GPHN: variants seen among roughly 807,000 people sequenced by gnomAD.
GPHN encodes the protein gephyrin.
Under a neutral mutation model 95.5 loss-of-function variants are expected in GPHN, and 17 were observed. The observed-to-expected ratio is 0.18, with a 90% CI of 0.12 to 0.27. The LOEUF is 0.27. Among genes scored for constraint, GPHN ranks in the 10% least tolerant of loss-of-function variants. The pLI, the probability that GPHN is intolerant of heterozygous loss-of-function variation, is 1.00. For missense variants in GPHN, 660 were observed against 978.1 expected (o/e 0.67, Z 4.34); for synonymous variants, 320 against 322.5 (o/e 0.99, Z 0.08).
the GPHN span, among the ~76,000 whole-genome samples, chr14:67,696,246 A>T: frequency 6.6e-6 from 1 of 152,164 alleles, no homozygotes; most frequent in Non-Finnish European, 1.5e-5. Context: ...CTATCTCCCC[A>T]GACCCAAGTC....
chr14:66,970,085 GTT>G (rs76967963), intron 9 of GPHN, among the ~76,000 whole-genome samples: 34 of 98,960 alleles, frequency 3.4e-4, no homozygotes, highest in African/African-American at 4.7e-4. Flanking sequence ...AGCAAGTTGT[GTT>G]TTTTTTTTTT....
the GPHN span, chr14:67,715,270 TC>T: frequency 2.0e-5 from 3 of 152,192 alleles, no homozygotes; most frequent in South Asian, 6.2e-4. Flanking sequence ...CCCTACAATA[TC>T]CAGATCTACT....
At chr14:66,698,446 G>A (rs1555384512) in intron 2 of GPHN, among the ~76,000 whole-genome samples, 1 of 152,056 alleles carries the variant, frequency 6.6e-6, no homozygotes, top group Non-Finnish European at 1.5e-5. Context: ...TCTTACTGAT[G>A]TTGTCATACT....
chr14:66,770,430 G>A (rs912738208), intron 2 of GPHN, among the ~76,000 whole-genome samples: 1 of 152,090 alleles, frequency 6.6e-6, no homozygotes. Flanking sequence ...GTATTGCCTA[G>A]GTTGTCTGGA....
the GPHN span, among the ~76,000 whole-genome samples, chr14:67,251,814 C>G: frequency 6.6e-6 from 1 of 152,110 alleles, no homozygotes; most frequent in Non-Finnish European, 1.5e-5. Context: ...CTTGGCAGGC[C>G]CCTATAATAG....
At chr14:66,854,291 T>G (rs1481679219) in intron 4 of GPHN, among the ~76,000 whole-genome samples, 1 of 152,184 alleles carries the variant, frequency 6.6e-6, no homozygotes, top group Non-Finnish European at 1.5e-5. Flanking sequence ...CATTTCAAGT[T>G]CACATTCCTT....
At chr14:66,575,639 G>A (rs1048186699) in intron 1 of GPHN, among the ~76,000 whole-genome samples, 4 of 152,058 alleles carry the variant, frequency 2.6e-5, no homozygotes, top group African/African-American at 4.8e-5. Flanking sequence ...GGAGCCTGCC[G>A]GGTGCCCAGA....
At chr14:67,293,905 A>G in the GPHN span, among the ~76,000 whole-genome samples, 3 of 152,180 alleles carry the variant, frequency 2.0e-5, no homozygotes, top group Non-Finnish European at 4.4e-5. Flanking sequence ...TGAGAGAAGC[A>G]AGACAGATCA....
the GPHN span, chr14:67,398,130 T>C: frequency 3.9e-6 from 1 of 254,068 alleles, no homozygotes. Context: ...TAACATATTG[T>C]ATTTCCTTCC....
At chr14:66,926,394 A>C (rs920818249) in intron 8 of GPHN, among the ~76,000 whole-genome samples, 1 of 152,178 alleles carries the variant, frequency 6.6e-6, no homozygotes. Flanking sequence ...TTAAGTATGT[A>C]AGTCTTTAAT....
At chr14:67,582,089 T>C in the GPHN span, 60 of 1,611,848 alleles carry the variant, frequency 3.7e-5, no homozygotes, top group East Asian at 1.3e-3. This position sits in a 1 kb window ranked among gnomAD's most constrained non-coding sequence, Gnocchi z 5.0. Context: ...CGCAGTCAAG[T>C]CAAAGGGGAG....
At chr14:67,656,377 ACCCCATACTTG>A in the GPHN span, 6 of 1,510,712 alleles carry the variant, frequency 4.0e-6, no homozygotes, top group Non-Finnish European at 3.6e-6. Flanking sequence ...CCCCCTAATT[ACCCCATACTTG>A]CCCCTTTCCC....
the GPHN span, among the ~76,000 whole-genome samples, chr14:67,693,215 A>G: frequency 2.6e-5 from 4 of 152,234 alleles, no homozygotes; most frequent in African/African-American, 9.6e-5. Flanking sequence ...AGGAAAGATG[A>G]CAAAAGTTTT....
intron 8 of GPHN, among the ~76,000 whole-genome samples, chr14:66,927,391 AT>A (rs1189059843): frequency 6.6e-6 from 1 of 150,594 alleles, no homozygotes; most frequent in Non-Finnish European, 1.5e-5. Context: ...TTGTTTGTTG[AT>A]TTTGTATCCT....
intron 1 of GPHN, among the ~76,000 whole-genome samples, chr14:66,611,819 CATT>C (rs1291109872): frequency 6.6e-6 from 1 of 152,136 alleles, no homozygotes; most frequent in Non-Finnish European, 1.5e-5. Context: ...GTTAGGGCAT[CATT>C]ATCAGTTAGA....
At chr14:67,111,731 T>C (rs1351991647) in intron 14 of GPHN, 130 bp from the exon 15 acceptor site, 2 of 750,530 alleles carry the variant, frequency 2.7e-6, no homozygotes, top group Non-Finnish European at 4.8e-6. Context: ...TCAAAGGGTG[T>C]AGCAAATAGT....
At chr14:67,214,862 T>C in the GPHN span, among the ~76,000 whole-genome samples, 35,288 of 151,662 alleles carry the variant, frequency 0.23, 5,709 homozygotes, top group East Asian at 0.44. Context: ...TTTGTAGTTC[T>C]CCTTGAAGAG....
At chr14:67,076,056 T>C (rs2076480864) in intron 11 of GPHN, among the ~76,000 whole-genome samples, 1 of 152,110 alleles carries the variant, frequency 6.6e-6, no homozygotes, top group African/African-American at 2.4e-5. Flanking sequence ...ATATCTTTCA[T>C]GAAGGAAAGA....
chr14:66,808,234 G>A (rs934510697), intron 3 of GPHN, among the ~76,000 whole-genome samples: 1 of 152,068 alleles, frequency 6.6e-6, no homozygotes, highest in Non-Finnish European at 1.5e-5. Context: ...TAGATTACTT[G>A]TCTTTTTCTT....
Sources: gnomAD v4.1 joint callset for allele counts (sites outside exome capture counted in the v4.1 genomes callset) on GRCh38, gnomAD v4.1.1 for gene constraint, Gnocchi (gnomAD v3.1) non-coding constraint, MANE v1.5 for transcripts, NCBI Gene and HGNC (gene_info 2026-07-23, HGNC 2026-07-21) for gene names.